Variants in TSHZ2 observed in about 807,000 individuals in gnomAD.
TSHZ2 encodes the protein teashirt homolog 2.
TSHZ2 carries 21 observed loss-of-function variants against 74.4 expected under a neutral mutation model. The ratio of observed to expected loss-of-function variants is 0.28; its 90% confidence interval spans 0.20 to 0.41. The LOEUF (loss-of-function observed/expected upper bound fraction) is 0.41. TSHZ2 is among the 10% of genes least tolerant of loss of function. The pLI is 1.00. For synonymous variants in TSHZ2, 540 were observed against 515.3 expected, an observed-to-expected ratio of 1.05 and a Z score of -0.65; for missense variants, 1,244 against 1,293.5, an observed-to-expected ratio of 0.96 and a Z score of 0.59.
intron 1 of TSHZ2, among the ~76,000 whole-genome samples, chr20:53,231,137 C>T (rs1328316245): frequency 6.6e-6 from 1 of 152,184 alleles, no homozygotes; most frequent in Non-Finnish European, 1.5e-5. Flanking sequence ...AGCTTATTTT[C>T]TGCAAATGCC....
At chr20:53,094,821 G>A (rs1985991669) in intron 1 of TSHZ2, among the ~76,000 whole-genome samples, 1 of 152,108 alleles carries the variant, frequency 6.6e-6, no homozygotes, top group Non-Finnish European at 1.5e-5. Context: ...ATTATGAATA[G>A]CCAGTGGCTG....
At chr20:53,174,069 G>C (rs1003393101) in intron 1 of TSHZ2, among the ~76,000 whole-genome samples, 2 of 152,184 alleles carry the variant, frequency 1.3e-5, no homozygotes, top group African/African-American at 4.8e-5. Context: ...GGGAAATGGA[G>C]AGGAAGAGAC....
At chr20:53,136,616 C>T (rs1272557508) in intron 1 of TSHZ2, among the ~76,000 whole-genome samples, 1 of 152,194 alleles carries the variant, frequency 6.6e-6, no homozygotes, top group African/African-American at 2.4e-5. Context: ...AGTATCCAAT[C>T]TCCCTCCCAA....
At chr20:53,070,774 G>T (rs1173092158) in intron 1 of TSHZ2, among the ~76,000 whole-genome samples, 1 of 152,206 alleles carries the variant, frequency 6.6e-6, no homozygotes, top group Non-Finnish European at 1.5e-5. Flanking sequence ...GGTTGTTACT[G>T]AGGAAGAGCC....
intron 1 of TSHZ2, among the ~76,000 whole-genome samples, chr20:52,991,699 T>C (rs142606365): frequency 1.3e-3 from 193 of 150,864 alleles, no homozygotes; most frequent in Non-Finnish European, 1.8e-3. Flanking sequence ...GGATTATGTA[T>C]GTTGTAGGTA....
intron 2 of TSHZ2, among the ~76,000 whole-genome samples, chr20:53,381,043 G>A (rs1380720350): frequency 6.6e-6 from 1 of 152,172 alleles, no homozygotes; most frequent in Non-Finnish European, 1.5e-5. Flanking sequence ...TTGTAGCTCT[G>A]TGATTTTGTG....
intron 2 of TSHZ2, among the ~76,000 whole-genome samples, chr20:53,379,247 T>A (rs912200894): frequency 6.6e-6 from 1 of 152,146 alleles, no homozygotes; most frequent in Non-Finnish European, 1.5e-5. Context: ...CCAGCCGTGG[T>A]GTCACGCGCC....
At chr20:53,461,144 C>T (rs1292979157) in intron 2 of TSHZ2, among the ~76,000 whole-genome samples, 51 of 152,192 alleles carry the variant, frequency 3.4e-4, no homozygotes, top group Middle Eastern at 3.4e-3. Context: ...CCCAGCCTCG[C>T]TGCCGCCTTG....
chr20:53,275,553 C>G (rs980352436), intron 2 of TSHZ2, among the ~76,000 whole-genome samples: 2 of 152,082 alleles, frequency 1.3e-5, no homozygotes, highest in Non-Finnish European at 2.9e-5. Context: ...GCACAAGCCC[C>G]CTGTGTGCTG....
At position 53,417,218 on chromosome 20, in the gene TSHZ2, A is replaced by G. The variant is rs1247061160; in HGVS notation, c.*9-69926A>G. Among the ~76,000 whole-genome samples the G allele has an allele frequency of 5.4e-5, 8 of 148,644 alleles. No individual in the cohort carries two copies. The East Asian group carries it at 1.6e-3, about 29-fold the overall frequency. ...CTTGCAAACATCCCTGAGGATATCTATATACAGACACAGACACACACAGAC... is the reference window on the plus strand; with the variant it reads ...CTTGCAAACATCCCTGAGGATATCTGTATACAGACACAGACACACACAGAC... On this transcript the variant is annotated intron_variant, in intron 2 of 2. Transcript: ENST00000371497.
intron 1 of TSHZ2, among the ~76,000 whole-genome samples, chr20:53,085,198 A>G (rs1985659677): frequency 6.6e-6 from 1 of 151,912 alleles, no homozygotes; most frequent in East Asian, 1.9e-4. Flanking sequence ...CCTCATCTCT[A>G]CTAAAAATAC....
At chr20:53,106,164 G>A (rs1986358648) in intron 1 of TSHZ2, among the ~76,000 whole-genome samples, 1 of 151,910 alleles carries the variant, frequency 6.6e-6, no homozygotes, top group African/African-American at 2.4e-5. Flanking sequence ...TCATCTTCCT[G>A]TGCAATAGAA....
chr20:52,994,805 T>C (rs1233628674), intron 1 of TSHZ2, among the ~76,000 whole-genome samples: 1 of 152,188 alleles, frequency 6.6e-6, no homozygotes, highest in Non-Finnish European at 1.5e-5. Context: ...CTGTGTCTCC[T>C]TCCCTCTGTT....
chr20:53,043,782 TA>T (rs368963876), intron 1 of TSHZ2, among the ~76,000 whole-genome samples: 67 of 147,572 alleles, frequency 4.5e-4, no homozygotes, highest in Admixed American at 9.5e-4. Context: ...TCTCACAGAT[TA>T]AAAAAAAAAA....
chr20:53,436,180 C>A (rs575492623), intron 2 of TSHZ2, among the ~76,000 whole-genome samples: 18 of 152,298 alleles, frequency 1.2e-4, no homozygotes, highest in Middle Eastern at 3.4e-3. Context: ...CAGTATCTGG[C>A]AACACCTGGT....
intron 1 of TSHZ2, among the ~76,000 whole-genome samples, chr20:53,001,448 C>T (rs1168086653): frequency 6.6e-6 from 1 of 152,002 alleles, no homozygotes; most frequent in East Asian, 1.9e-4. Flanking sequence ...GTTTGAACAA[C>T]TAGTGTTAAA....
chr20:53,336,622 G>A lies in TSHZ2; in HGVS notation c.*8+80051G>A, dbSNP rs74344771. 9.4e-3 allele frequency among the ~76,000 whole-genome samples: 1,428 copies of A among 152,246 alleles called. 22 individuals carry two copies. The highest frequency in any genetic ancestry group is 0.032 in the African/African-American group (1,349 of 41,530). The stretch of plus-strand genomic sequence containing the variant: ...TGTTCTTTCCACCTCTTTCTGCTCC[G>A]TCAGCCTTAGCTTCCATGTCTTGTT... On this transcript the variant is annotated intron_variant, in intron 2 of 2. Coordinates refer to ENST00000371497, the MANE Select transcript of TSHZ2 (RefSeq NM_173485.6).
intron 2 of TSHZ2, among the ~76,000 whole-genome samples, chr20:53,396,626 C>G (rs929655858): frequency 6.6e-6 from 1 of 152,048 alleles, no homozygotes; most frequent in African/African-American, 2.4e-5. Context: ...GCAGGTGGAT[C>G]ACTTGAGCTC....
At chr20:53,212,384 G>C (rs1250121636) in intron 1 of TSHZ2, among the ~76,000 whole-genome samples, 1 of 152,190 alleles carries the variant, frequency 6.6e-6, no homozygotes, top group Non-Finnish European at 1.5e-5. Flanking sequence ...CTAATGAAAA[G>C]CTGTAGCAAA....
Sources: allele counts gnomAD v4.1 joint callset (sites outside exome capture counted in the v4.1 genomes callset), GRCh38; gene constraint gnomAD v4.1.1; transcripts MANE v1.5; gene names NCBI Gene and HGNC (gene_info 2026-07-23, HGNC 2026-07-21).